The following TDRD9 variants were observed in gnomAD, a reference collection of about 807,000 sequenced individuals.
TDRD9 encodes the protein tudor domain containing 9, also known as ATP-dependent RNA helicase TDRD9.
A neutral mutation model predicts 172.6 loss-of-function variants in TDRD9; 124 were observed. The ratio of observed to expected loss-of-function variants is 0.72; its 90% CI spans 0.62 to 0.83. The LOEUF is 0.83. TDRD9 is among the 40% of genes least tolerant of loss of function. The pLI is 0.00. For missense variants in TDRD9, 1,479 were observed against 1,714.1 expected (o/e 0.86, Z 2.42); for synonymous variants, 619 against 617.1 (o/e 1.00, Z -0.05).
intron 8 of TDRD9, among the ~76,000 whole-genome samples, chr14:103,989,206 T>C (rs2033782952): frequency 6.6e-6 from 1 of 152,260 alleles, no homozygotes; most frequent in African/African-American, 2.4e-5. Context: ...CATTGTTTCT[T>C]CTGAGAATTC....
intron 1 of TDRD9, among the ~76,000 whole-genome samples, chr14:103,943,215 C>T (rs543713353): frequency 6.6e-6 from 1 of 151,886 alleles, no homozygotes; most frequent in African/African-American, 2.4e-5. Context: ...ACTGTAGCCT[C>T]GACCTCCTGG....
At chr14:104,006,185 T>G (rs2034431953) in intron 15 of TDRD9, among the ~76,000 whole-genome samples, 1 of 152,152 alleles carries the variant, frequency 6.6e-6, no homozygotes, top group Admixed American at 6.5e-5. Context: ...GATCATACTT[T>G]TAAAAAAAAA....
chr14:104,021,331 C>G (rs901265110), intron 23 of TDRD9, among the ~76,000 whole-genome samples: 1 of 152,144 alleles, frequency 6.6e-6, no homozygotes, highest in South Asian at 2.1e-4. Flanking sequence ...TGGGCAGGGA[C>G]ACAGATCTAA....
chr14:103,935,683 G>T (rs1048642724), intron 1 of TDRD9, among the ~76,000 whole-genome samples: 1 of 152,054 alleles, frequency 6.6e-6, no homozygotes, highest in Non-Finnish European at 1.5e-5. Flanking sequence ...CCCACCTGGG[G>T]TGCTTCAGTG....
chr14:104,014,281 A>C (rs1273430306), intron 20 of TDRD9, among the ~76,000 whole-genome samples: 1 of 149,948 alleles, frequency 6.7e-6, no homozygotes, highest in Non-Finnish European at 1.5e-5. Context: ...TTAAGAGATT[A>C]TTTCTTTTTT....
chr14:103,958,212 G>T (rs2032338753), intron 2 of TDRD9, among the ~76,000 whole-genome samples: 1 of 152,166 alleles, frequency 6.6e-6, no homozygotes, highest in South Asian at 2.1e-4. Flanking sequence ...GTAAAACAAG[G>T]ATTTGACTTG....
chr14:104,037,092 C>A (rs978769457), intron 32 of TDRD9, among the ~76,000 whole-genome samples: 1 of 151,590 alleles, frequency 6.6e-6, no homozygotes, highest in African/African-American at 2.4e-5. Flanking sequence ...TGAAAGATGA[C>A]AGCTGTTTGA....
chr14:104,022,536 C>G (rs1015268212), intron 24 of TDRD9, among the ~76,000 whole-genome samples: 1 of 152,020 alleles, frequency 6.6e-6, no homozygotes, highest in Non-Finnish European at 1.5e-5. Flanking sequence ...AGACCAGCCT[C>G]GCCAACATGA....
At chr14:104,024,771 C>T (rs2035064754) in intron 25 of TDRD9, 91 bp downstream of exon 25, 12 of 524,518 alleles carry the variant, frequency 2.3e-5, no homozygotes, top group Non-Finnish European at 3.3e-5. Flanking sequence ...CACACACACA[C>T]ACACACACAC....
chr14:103,996,040 G>A lies in TDRD9; in HGVS notation c.1378+233G>A, dbSNP rs74086988. On this transcript the variant is annotated intron_variant, in intron 12 of 35. Transcript: ENST00000409874. ...CAAGCTGGCTCGTCGGAAGTGTTTG[G>A]GGTGTTCCACTGGGCCTTGTGGGAA... 9.0e-3 allele frequency among the ~76,000 whole-genome samples: 1,374 copies of A among 152,264 alleles called. 18 individuals are homozygous for A. The highest frequency in any genetic ancestry group is 0.031 in the African/African-American group (1,306 of 41,528).
chr14:103,941,677 T>C (rs2031244881), intron 1 of TDRD9: 1 of 1,519,492 alleles, frequency 6.6e-7, no homozygotes, highest in Admixed American at 2.1e-5. Context: ...GGCCATTTCA[T>C]CCAGCCAAAA....
chr14:103,986,764 T>C (rs1295973766), intron 8 of TDRD9, among the ~76,000 whole-genome samples: 2 of 152,182 alleles, frequency 1.3e-5, no homozygotes, highest in Non-Finnish European at 2.9e-5. Flanking sequence ...TCTTTGAAAA[T>C]TGGAACATTT....
rs1447895360 is a variant in TDRD9 at position 104,034,058 on chromosome 14, T to C, written c.3608T>C (p.Ile1203Thr). The C allele has an allele frequency of 1.3e-6, 2 of 1,547,410 alleles. No individual in the cohort carries two copies. Among genetic ancestry groups the C allele is most frequent in the East Asian group, 4.9e-5 (2 of 40,886 alleles). ...QRMLVAASLS[I>T]NATGSTMLLR... ...ATGCTGGTTGCAGCTTCCCTTTCCA[T>C]CAATGCGACTGGTAATTTAAAGATC... is the stretch of plus-strand genomic sequence containing the variant. Residue 1203 changes from isoleucine (I) to threonine (T), a missense_variant, in exon 31 of 36, where the codon ATC becomes ACC. By Grantham distance (89) the Ile-to-Thr change is moderately conservative. Around this residue, in one of 3 missense-constraint regions of TDRD9, gnomAD observed 1,413 missense variants for 1,649.1 expected, o/e 0.86. Coordinates refer to ENST00000409874, the MANE Select transcript of TDRD9 (RefSeq NM_153046.3).
chr14:103,939,214 T>C (rs2031013179), intron 1 of TDRD9, among the ~76,000 whole-genome samples: 1 of 152,154 alleles, frequency 6.6e-6, no homozygotes, highest in African/African-American at 2.4e-5. Context: ...ATGATTTGCA[T>C]CTCTTCATGG....
At chr14:103,941,620 C>T (rs1190639541) in intron 1 of TDRD9, 4 of 1,535,298 alleles carry the variant, frequency 2.6e-6, no homozygotes, top group Non-Finnish European at 2.6e-6. Flanking sequence ...GTCTTTGTCA[C>T]TATGTCTGAG....
chr14:104,001,377 C>A (rs542811992), intron 13 of TDRD9, among the ~76,000 whole-genome samples: 1 of 152,246 alleles, frequency 6.6e-6, no homozygotes, highest in Non-Finnish European at 1.5e-5. Context: ...TAGGAGCCAT[C>A]TAAGCCAATA....
chr14:104,023,008 C>T (rs1206374829), intron 24 of TDRD9, among the ~76,000 whole-genome samples: 4 of 151,310 alleles, frequency 2.6e-5, no homozygotes, highest in Non-Finnish European at 4.4e-5. Flanking sequence ...GGTGAAACCC[C>T]GTCTCTACCA....
At chr14:103,940,514 C>G (rs771993983) in intron 1 of TDRD9, 1 of 257,266 alleles carries the variant, frequency 3.9e-6, no homozygotes, top group African/African-American at 2.2e-5. Flanking sequence ...CAGAATTTGT[C>G]AGACTTCATA....
At chr14:104,003,997 C>T (rs1201057965) in intron 13 of TDRD9, among the ~76,000 whole-genome samples, 2 of 152,060 alleles carry the variant, frequency 1.3e-5, no homozygotes, top group African/African-American at 4.8e-5. Flanking sequence ...TAGAAGTCAG[C>T]ATTTAGTCTT....
Sources: allele counts gnomAD v4.1 joint callset (sites outside exome capture counted in the v4.1 genomes callset), GRCh38; gene constraint gnomAD v4.1.1; regional missense constraint gnomAD v4.1.1; transcripts MANE v1.5; gene names NCBI Gene and HGNC (gene_info 2026-07-23, HGNC 2026-07-21).